Variants in RIN2 observed in about 807,000 individuals in gnomAD.
RIN2 encodes RAB5 interacting protein 2.
In RIN2, 36 loss-of-function variants were observed where a neutral mutation model predicts 78.0. That is an observed-to-expected ratio of 0.46 (90% CI 0.35 to 0.61). The LOEUF (loss-of-function observed/expected upper bound fraction) is 0.61, where lower values mean the gene tolerates loss of function less well. Among genes scored for constraint, RIN2 ranks in the 20% least tolerant of loss-of-function variants. The pLI, the probability that RIN2 is intolerant of heterozygous loss-of-function variation, is 0.00. For missense variants in RIN2, 1,087 were observed against 1,159.7 expected, an observed-to-expected ratio of 0.94 and a Z score of 0.91; for synonymous variants, 466 against 466.8, an observed-to-expected ratio of 1.00 and a Z score of 0.02.
intron 5 of RIN2, among the ~76,000 whole-genome samples, chr20:19,958,756 C>G (rs935110077): frequency 1.3e-5 from 2 of 152,196 alleles, no homozygotes; most frequent in East Asian, 3.8e-4. Flanking sequence ...ATAACCCCAG[C>G]TACTCCAGAG....
intron 3 of RIN2, among the ~76,000 whole-genome samples, chr20:19,930,762 C>T (rs1009182515): frequency 2.0e-5 from 3 of 152,316 alleles, no homozygotes; most frequent in Non-Finnish European, 4.4e-5. Context: ...CCAAACTCCC[C>T]TCAACCCCTT....
rs1395065924 is a variant in RIN2, at chr20:19,846,891, AGG to A, written c.-36-42672_-36-42671del. ...AGAGATAGCACCTTCTTCTATGGGC[AGG>A]GGCACCAGTTACTCCATCCAGCCTA... On this transcript the variant is annotated intron_variant, in intron 2 of 12. Transcript: ENST00000255006. 3.3e-5 allele frequency among the ~76,000 whole-genome samples: 5 copies of A among 152,152 alleles called. No individual in the cohort carries two copies. The East Asian group carries it at 9.6e-4, about 29-fold the overall frequency.
At chr20:19,762,676 A>G (rs1387318159) in intron 1 of RIN2, among the ~76,000 whole-genome samples, 1 of 152,158 alleles carries the variant, frequency 6.6e-6, no homozygotes, top group Non-Finnish European at 1.5e-5. Flanking sequence ...GTGGAGTTCA[A>G]GTGTGTGTGT....
At chr20:19,761,653 T>A (rs539280123) in intron 1 of RIN2, among the ~76,000 whole-genome samples, 16 of 152,338 alleles carry the variant, frequency 1.1e-4, no homozygotes, top group African/African-American at 3.8e-4. Flanking sequence ...GTATTTTGGA[T>A]AGTAAAAATG....
At chr20:19,970,285 G>A (rs531882721) in intron 7 of RIN2, among the ~76,000 whole-genome samples, 1 of 152,356 alleles carries the variant, frequency 6.6e-6, no homozygotes, top group African/African-American at 2.4e-5. Context: ...CATTAGAGAA[G>A]CTCTGCCTTC....
At chr20:19,936,357 G>C (rs897918006) in intron 4 of RIN2, among the ~76,000 whole-genome samples, 2 of 152,206 alleles carry the variant, frequency 1.3e-5, no homozygotes, top group African/African-American at 4.8e-5. Context: ...TTTTCAGGTA[G>C]TGACTCTCTG....
chr20:19,908,360 G>A (rs1051348939), intron 3 of RIN2, among the ~76,000 whole-genome samples: 6 of 152,036 alleles, frequency 3.9e-5, no homozygotes, highest in Admixed American at 2.6e-4. Context: ...ACGTGGTGGC[G>A]GGCGCCTGCA....
At chr20:19,876,310 T>C (rs1272221946) in intron 2 of RIN2, among the ~76,000 whole-genome samples, 1 of 152,218 alleles carries the variant, frequency 6.6e-6, no homozygotes, top group Non-Finnish European at 1.5e-5. Context: ...CTTCAGGTCG[T>C]ATAAATCTTT....
intron 3 of RIN2, among the ~76,000 whole-genome samples, chr20:19,908,995 G>T (rs2039345924): frequency 6.6e-6 from 1 of 152,014 alleles, no homozygotes; most frequent in African/African-American, 2.4e-5. Flanking sequence ...CTCCCAAGTA[G>T]CTGAGATTAC....
intron 3 of RIN2, among the ~76,000 whole-genome samples, chr20:19,931,767 T>C (rs541592696): frequency 3.3e-5 from 5 of 151,922 alleles, no homozygotes; most frequent in Non-Finnish European, 7.4e-5. Context: ...TGTTTATACA[T>C]GTGTTCATAC....
rs372531454 is a variant in RIN2 at position 19,956,673 on chromosome 20, C to T, written c.217C>T (p.Arg73Trp). ...GGAAGAGGACGTGAAGACCTGTGCCCGGGACTCAGGCTATGACAGCCTCTC... is the reference window on the plus strand; with the variant it reads ...GGAAGAGGACGTGAAGACCTGTGCCTGGGACTCAGGCTATGACAGCCTCTC... ...SEEEDVKTCARDSGYDSLSNR... is the reference protein window; with the variant it reads ...SEEEDVKTCAWDSGYDSLSNR... The change falls in exon 5 of 13, where the codon CGG becomes TGG. Residue 73 changes from arginine (R) to tryptophan (W), a missense_variant. Physicochemically the swap from Arg to Trp is moderately radical, Grantham distance 101. Transcript: ENST00000255006. 1.5e-4 allele frequency: 238 copies of T among 1,612,932 alleles called. 2 individuals carry two copies. Among genetic ancestry groups the T allele is most frequent in the Middle Eastern group, 8.2e-4 (5 of 6,084 alleles).
At chr20:19,954,954 C>T (rs769136863) in intron 4 of RIN2, among the ~76,000 whole-genome samples, 6 of 152,092 alleles carry the variant, frequency 3.9e-5, no homozygotes, top group Admixed American at 6.5e-5. Context: ...GTCATTAAGA[C>T]GTAATTCACA....
At chr20:19,849,101 T>C (rs1429842334) in intron 2 of RIN2, among the ~76,000 whole-genome samples, 1 of 152,058 alleles carries the variant, frequency 6.6e-6, no homozygotes, top group Non-Finnish European at 1.5e-5. Context: ...GGGGATAGAA[T>C]TCACTGGATA....
At chr20:19,806,309 A>G (rs1464920466) in intron 2 of RIN2, among the ~76,000 whole-genome samples, 1 of 152,196 alleles carries the variant, frequency 6.6e-6, no homozygotes, top group African/African-American at 2.4e-5. Context: ...GTTTTCCACA[A>G]TGGTTGAACT....
At chr20:19,990,394 C>A in intron 10 of RIN2, 83 bp downstream of exon 10, 2 of 1,302,906 alleles carry the variant, frequency 1.5e-6, no homozygotes, top group Non-Finnish European at 2.1e-6. Flanking sequence ...CTTTCTGATT[C>A]CCAATTTCTC....
intron 3 of RIN2, among the ~76,000 whole-genome samples, chr20:19,923,310 G>A (rs1163599428): frequency 6.6e-6 from 1 of 151,872 alleles, no homozygotes; most frequent in Non-Finnish European, 1.5e-5. Context: ...CAGCTACTTG[G>A]GAGACTGAGG....
At chr20:19,802,471 TAA>T (rs11300762) in intron 2 of RIN2, among the ~76,000 whole-genome samples, 3,651 of 139,988 alleles carry the variant, frequency 0.026, 86 homozygotes, top group East Asian at 0.11. Flanking sequence ...AAAGTTTCTT[TAA>T]AAAAAAAAAA....
At chr20:19,887,926 TC>T (rs2038268271) in intron 2 of RIN2, among the ~76,000 whole-genome samples, 1 of 152,180 alleles carries the variant, frequency 6.6e-6, no homozygotes, top group African/African-American at 2.4e-5. Flanking sequence ...CATGGTTTGC[TC>T]CCCAAGGTGA....
upstream of RIN2, chr20:19,757,970 C>G (rs2033439885): frequency 6.6e-6 from 1 of 152,326 alleles, no homozygotes; most frequent in Non-Finnish European, 1.5e-5. Flanking sequence ...TCAAGAGGGG[C>G]GGAGGCTGGC....
Sources: allele counts gnomAD v4.1 joint callset (sites outside exome capture counted in the v4.1 genomes callset), GRCh38; gene constraint gnomAD v4.1.1; transcripts MANE v1.5; gene names NCBI Gene and HGNC (gene_info 2026-07-23, HGNC 2026-07-21).